Variants in JAKMIP2 observed in about 807,000 individuals in gnomAD.
JAKMIP2 encodes the protein janus kinase and microtubule-interacting protein 2.
Under a neutral mutation model 115.0 loss-of-function variants are expected in JAKMIP2, and 25 were observed. The observed-to-expected ratio is 0.22, with a 90% CI of 0.16 to 0.30. JAKMIP2 has a LOEUF of 0.30. Ranked by LOEUF, JAKMIP2 falls within the 10% of genes least tolerant of loss-of-function variation. The probability of loss-of-function intolerance (pLI) is 1.00; values close to 1 mark genes in which losing one functional copy is unlikely to be tolerated. For synonymous variants in JAKMIP2, 334 were observed against 343.6 expected (o/e 0.97, Z 0.31); for missense variants, 642 against 957.6 (o/e 0.67, Z 4.35).
At chr5:147,718,948 A>G (rs1482886890) in intron 1 of JAKMIP2, among the ~76,000 whole-genome samples, 1 of 134,666 alleles carries the variant, frequency 7.4e-6, no homozygotes, top group Admixed American at 7.6e-5. Flanking sequence ...TTAGGGTGTC[A>G]ATTTTGGATC....
In JAKMIP2 at chr5:147,772,573, T is replaced by C. The variant is rs568909798; in HGVS notation, c.-149+9883A>G. 2.0e-5 allele frequency among the ~76,000 whole-genome samples: 3 copies of C among 151,990 alleles called. No individual in the cohort carries two copies. The East Asian group carries it at 5.8e-4, about 29-fold the overall frequency. ...TTTTTTTTCCTAAGAGGAGAAGATA[T>C]TTTAATATCTCCTGAAATGTCAAAA... On this transcript the variant is annotated intron_variant, in intron 1 of 21. Transcript: ENST00000616793.
At chr5:147,755,231 A>G (rs1754701359) in intron 1 of JAKMIP2, among the ~76,000 whole-genome samples, 1 of 152,210 alleles carries the variant, frequency 6.6e-6, no homozygotes, top group Admixed American at 6.5e-5. Context: ...AAATAAGGAT[A>G]CTGGCAGTGA....
At chr5:147,772,276 C>T (rs1755387689) in intron 1 of JAKMIP2, among the ~76,000 whole-genome samples, 1 of 152,074 alleles carries the variant, frequency 6.6e-6, no homozygotes, top group African/African-American at 2.4e-5. Flanking sequence ...ATTGGGATTG[C>T]CCACAAACCA....
chr5:147,623,544 C>T (rs1473346774), intron 17 of JAKMIP2, 77 bp downstream of exon 17: 4 of 874,766 alleles, frequency 4.6e-6, no homozygotes, highest in African/African-American at 1.7e-5. Flanking sequence ...CCAGATAAAA[C>T]TGGTAGAGGC....
intron 1 of JAKMIP2, among the ~76,000 whole-genome samples, chr5:147,715,919 G>C (rs896383170): frequency 7.4e-6 from 1 of 134,906 alleles, no homozygotes; most frequent in Admixed American, 7.9e-5. Context: ...ATGTATACAT[G>C]TGCCATGCTG....
At chr5:147,671,993 A>C in intron 1 of JAKMIP2, 39 bp from the exon 2 acceptor site, 2 of 1,219,930 alleles carry the variant, frequency 1.6e-6, no homozygotes, top group Non-Finnish European at 2.0e-6. Flanking sequence ...GTTTTGGCAA[A>C]GACCTGGTCT....
chr5:147,702,646 A>AAG (rs1303756649), intron 1 of JAKMIP2, among the ~76,000 whole-genome samples: 1 of 133,566 alleles, frequency 7.5e-6, no homozygotes, highest in African/African-American at 3.1e-5. Context: ...GAAAGAAAGA[A>AAG]AGAAAGAAAG....
chr5:147,640,848 T>C (rs1259337024), intron 8 of JAKMIP2, 25 bp from the exon 9 acceptor site: 1 of 1,606,664 alleles, frequency 6.2e-7, no homozygotes, highest in Admixed American at 1.7e-5. Context: ...AGTACCTATT[T>C]ACTGACATAG....
rs1474634386 is a variant in JAKMIP2 at position 147,644,154 on chromosome 5, A to G, written c.1128T>C (p.Ser376=). Residue 376 remains serine, a synonymous_variant, in exon 7 of 22, where the codon TCT becomes TCC. Coordinates refer to ENST00000616793, the MANE Select transcript of JAKMIP2 (RefSeq NM_001270941.2). The part of the protein sequence containing the change: ...TSHPPLKKLK[S]LNDLDQANEE... The stretch of plus-strand genomic sequence containing the variant: ...CATTAGCTTGGTCGAGGTCATTCAG[A>G]GATTTTAATTTCTTCAGGGGTGGAT... 3.7e-6 allele frequency: 6 copies of G among 1,605,954 alleles called. No individual in the cohort carries two copies. In the South Asian group the frequency reaches 6.7e-5, roughly 18 times the overall value.
At chr5:147,676,198 T>C (rs1025654522) in intron 1 of JAKMIP2, among the ~76,000 whole-genome samples, 2 of 152,170 alleles carry the variant, frequency 1.3e-5, no homozygotes, top group Non-Finnish European at 2.9e-5. Flanking sequence ...TAGCCGGACG[T>C]GGCGGCCGGC....
intron 1 of JAKMIP2, among the ~76,000 whole-genome samples, chr5:147,751,952 T>G (rs977094721): frequency 1.3e-5 from 2 of 152,170 alleles, no homozygotes; most frequent in African/African-American, 4.8e-5. Context: ...AGCCAAAGTC[T>G]GCCGTCAGCT....
intron 15 of JAKMIP2, 88 bp downstream of exon 15, chr5:147,629,605 C>T (rs1005970829): frequency 3.4e-6 from 3 of 887,166 alleles, no homozygotes; most frequent in Non-Finnish European, 5.5e-6. Flanking sequence ...ATCTCACTTG[C>T]TCTTACTTTA....
At chr5:147,691,678 T>C (rs1009167531) in intron 1 of JAKMIP2, among the ~76,000 whole-genome samples, 3 of 152,088 alleles carry the variant, frequency 2.0e-5, no homozygotes, top group African/African-American at 7.2e-5. Flanking sequence ...TCTCCTAAAG[T>C]CTAGCCCAGA....
intron 1 of JAKMIP2, among the ~76,000 whole-genome samples, chr5:147,778,916 C>T (rs1755659982): frequency 6.6e-6 from 1 of 152,086 alleles, no homozygotes. Flanking sequence ...TGCTTGAAAG[C>T]ACATTTTCCC....
chr5:147,587,559 T>A lies in JAKMIP2; in HGVS notation c.*4148A>T, dbSNP rs906574097. The A allele has an allele frequency of 5.3e-5, 8 of 152,282 alleles. No individual in the cohort carries two copies. Among genetic ancestry groups the A allele is most frequent in the Non-Finnish European group, 1.2e-4 (8 of 68,024 alleles). The allele number at this position is 152,282 out of a possible 1,614,324, so 9.4% of individuals were successfully genotyped here. A position where few individuals can be genotyped will look rare whatever the true frequency, so the allele number is the denominator to read the frequency against. ...ATGTAATATAACACAGATGATCCAATTATTTAAACATCAACACAAAACCAA... is the reference window on the plus strand; with the variant it reads ...ATGTAATATAACACAGATGATCCAAATATTTAAACATCAACACAAAACCAA... On this transcript the variant is annotated 3_prime_UTR_variant, in exon 22 of 22. Coordinates refer to ENST00000616793, the MANE Select transcript of JAKMIP2 (RefSeq NM_001270941.2).
intron 1 of JAKMIP2, among the ~76,000 whole-genome samples, chr5:147,721,951 G>A (rs1265479651): frequency 6.6e-6 from 1 of 152,122 alleles, no homozygotes; most frequent in Admixed American, 6.5e-5. Flanking sequence ...ATTTCCCATG[G>A]CTGGGACCTC....
chr5:147,590,864 G>A lies in JAKMIP2; in HGVS notation c.*843C>T, dbSNP rs1041357224. ...GAATGAGATCAGTCCATTGTTGATA[G>A]AGGAATGCAGATGTGAGAGTAGGAC... On this transcript the variant is annotated 3_prime_UTR_variant, in exon 22 of 22. Transcript: ENST00000616793. 6 of 152,182 alleles carry A rather than the reference G, an allele frequency of 3.9e-5. No homozygotes were observed. The highest frequency in any genetic ancestry group is 1.2e-4 in the African/African-American group (5 of 41,440). 9.4% of individuals were successfully genotyped at this position (152,182 alleles called of 1,614,324 possible).
chr5:147,667,397 A>C (rs1363082330), intron 2 of JAKMIP2, among the ~76,000 whole-genome samples: 1 of 152,254 alleles, frequency 6.6e-6, no homozygotes, highest in Non-Finnish European at 1.5e-5. Flanking sequence ...TAGCCTTTGC[A>C]AAATGCCAAT....
At chr5:147,682,895 G>A (rs2288828) in intron 1 of JAKMIP2, among the ~76,000 whole-genome samples, 30,242 of 152,064 alleles carry the variant, frequency 0.2, 4,027 homozygotes, top group East Asian at 0.45. Flanking sequence ...TCACTCCTCA[G>A]CACTGGGTAA....
Sources: gnomAD v4.1 joint callset for allele counts (sites outside exome capture counted in the v4.1 genomes callset) on GRCh38, gnomAD v4.1.1 for gene constraint, MANE v1.5 for transcripts, NCBI Gene and HGNC (gene_info 2026-07-23, HGNC 2026-07-21) for gene names.